PCDH11X: variants seen among roughly 807,000 people sequenced by gnomAD.
PCDH11X encodes protocadherin-11 X-linked.
A neutral mutation model predicts 53.3 loss-of-function variants in PCDH11X; 18 were observed. The ratio of observed to expected loss-of-function variants is 0.34; its 90% CI spans 0.23 to 0.50. PCDH11X has a LOEUF of 0.50. Ranked by LOEUF, PCDH11X falls within the 20% of genes least tolerant of loss-of-function variation. PCDH11X has a pLI of 0.98. For synonymous variants in PCDH11X, 279 were observed against 393.3 expected (o/e 0.71, Z 3.44); for missense variants, 570 against 1,032.4 (o/e 0.55, Z 6.14).
chrX:92,227,997 AACAG>A (rs1184142987), intron 7 of PCDH11X, among the ~76,000 whole-genome samples: 2 of 111,479 alleles, frequency 1.8e-5, no homozygotes, highest in Non-Finnish European at 3.8e-5. Context: ...ATTCATGGAA[AACAG>A]ACAGCAAAAA....
chrX:92,095,411 T>C (rs2064118627), intron 6 of PCDH11X, among the ~76,000 whole-genome samples: 1 of 111,308 alleles, frequency 9.0e-6, no homozygotes, highest in South Asian at 3.7e-4. Context: ...TACCCCTGAA[T>C]AAGATATATC....
chrX:91,994,456 C>T (rs1273580056), intron 6 of PCDH11X, among the ~76,000 whole-genome samples: 1 of 106,868 alleles, frequency 9.4e-6, no homozygotes, highest in African/African-American at 3.5e-5. Context: ...CCGTGTTCAT[C>T]AATGTTGTCA....
At chrX:92,123,252 A>G (rs953564244) in intron 6 of PCDH11X, among the ~76,000 whole-genome samples, 1 of 111,345 alleles carries the variant, frequency 9.0e-6, no homozygotes, top group Non-Finnish European at 1.9e-5. Flanking sequence ...CTAACTCACC[A>G]CAGCATGTTC....
At chrX:92,497,979 T>C (rs1445680088) in intron 10 of PCDH11X, among the ~76,000 whole-genome samples, 2 of 112,059 alleles carry the variant, frequency 1.8e-5, no homozygotes, top group Non-Finnish European at 3.8e-5. Flanking sequence ...AAATGCCTGC[T>C]TAATTTGTTG....
chrX:92,245,221 T>C (rs1015936105), intron 7 of PCDH11X, among the ~76,000 whole-genome samples: 1 of 112,572 alleles, frequency 8.9e-6, no homozygotes, highest in African/African-American at 3.2e-5. Context: ...TCAGACCCTA[T>C]CTTATGCAGT....
intron 7 of PCDH11X, among the ~76,000 whole-genome samples, chrX:92,231,859 G>C (rs1351496712): frequency 8.9e-6 from 1 of 111,883 alleles, no homozygotes; most frequent in Non-Finnish European, 1.9e-5. Flanking sequence ...AAATATCTCA[G>C]TCCGTAGTAG....
At chrX:91,929,297 A>G (rs112016491) in intron 6 of PCDH11X, among the ~76,000 whole-genome samples, 1,831 of 110,720 alleles carry the variant, frequency 0.017, 36 homozygotes, top group African/African-American at 0.056. Flanking sequence ...CCTGACAGTC[A>G]CATATACAGA....
chrX:92,344,822 T>G (rs752183501), intron 8 of PCDH11X, among the ~76,000 whole-genome samples: 1 of 109,104 alleles, frequency 9.2e-6, no homozygotes, highest in African/African-American at 3.3e-5. Context: ...TAGCACCAAG[T>G]AATAATTAAT....
intron 6 of PCDH11X, among the ~76,000 whole-genome samples, chrX:92,110,210 G>C: frequency 9.0e-6 from 1 of 111,443 alleles, no homozygotes; most frequent in African/African-American, 3.3e-5. Flanking sequence ...AATGAGATTT[G>C]TATTGTATAG....
At chrX:92,123,109 T>C (rs895909102) in intron 6 of PCDH11X, among the ~76,000 whole-genome samples, 1 of 111,282 alleles carries the variant, frequency 9.0e-6, no homozygotes, top group African/African-American at 3.3e-5. Flanking sequence ...AGTTTATTCC[T>C]CACCTGAAAT....
At chrX:92,079,539 T>A (rs1445527731) in intron 6 of PCDH11X, among the ~76,000 whole-genome samples, 2 of 111,041 alleles carry the variant, frequency 1.8e-5, no homozygotes, top group African/African-American at 6.6e-5. Context: ...CTCAGGCAAG[T>A]CACTTAAAAC....
chrX:91,802,289 G>A (rs1437920360), intron 1 of PCDH11X, among the ~76,000 whole-genome samples: 6 of 112,241 alleles, frequency 5.3e-5, no homozygotes, highest in Non-Finnish European at 1.1e-4. Context: ...TCACAGTTAC[G>A]GTTACCTATG....
chrX:91,893,539 G>A (rs1033465794), intron 6 of PCDH11X, among the ~76,000 whole-genome samples: 2 of 109,492 alleles, frequency 1.8e-5, no homozygotes, highest in African/African-American at 6.6e-5. Flanking sequence ...GTCTTCAATA[G>A]AGGGACATTT....
chrX:91,868,984 A>G (rs1486663969), intron 5 of PCDH11X, among the ~76,000 whole-genome samples: 3 of 111,841 alleles, frequency 2.7e-5, no homozygotes, highest in Non-Finnish European at 5.7e-5. Context: ...GAAGAATAGT[A>G]ACGGTGAATT....
intron 6 of PCDH11X, among the ~76,000 whole-genome samples, chrX:91,944,239 C>CA (rs1327554827): frequency 1.1e-5 from 1 of 92,235 alleles, no homozygotes; most frequent in Non-Finnish European, 2.1e-5. Context: ...GAAGAGTCCC[C>CA]AAAAAACAAT....
intron 9 of PCDH11X, among the ~76,000 whole-genome samples, chrX:92,445,594 T>C (rs1280395187): frequency 9.1e-6 from 1 of 110,032 alleles, no homozygotes; most frequent in East Asian, 2.9e-4. Context: ...GAAAACTTAA[T>C]GCATAAGAAA....
intron 10 of PCDH11X, among the ~76,000 whole-genome samples, chrX:92,484,395 C>T (rs2073597833): frequency 9.7e-6 from 1 of 103,578 alleles, no homozygotes; most frequent in Admixed American, 1.1e-4. Flanking sequence ...AGGGGTTGTA[C>T]TAATTTAGAT....
chrX:92,565,446 T>C (rs1215549654), intron 10 of PCDH11X, among the ~76,000 whole-genome samples: 1 of 102,486 alleles, frequency 9.8e-6, no homozygotes, highest in Non-Finnish European at 2.0e-5. Flanking sequence ...TGAAGTACTA[T>C]TCAGCCATAT....
Position 91,877,808 on chromosome X carries a change from C to G in PCDH11X, c.1568C>G (p.Thr523Ser), listed in dbSNP as rs1467262181. Reference protein sequence around the residue: ...FSLDCRTGMLTVVKKLDREKE... With the variant: ...FSLDCRTGMLSVVKKLDREKE... ...CTGGATTGTCGTACAGGCATGCTGA[C>G]TGTAGTGAAGAAACTAGATAGAGAA... The change falls in exon 6 of 11, where the codon ACT (threonine) becomes AGT (serine). Residue 523 changes from threonine to serine, a missense_variant. By Grantham distance (58) the Thr-to-Ser change is moderately conservative (BLOSUM62 1). Around this residue, in one of 6 missense-constraint regions of PCDH11X, gnomAD observed 226 missense variants for 457.5 expected, o/e 0.49. Coordinates refer to ENST00000682573, the MANE Select transcript of PCDH11X (RefSeq NM_032968.5). 2 of 1,211,596 alleles carry G rather than the reference C, an allele frequency of 1.7e-6. No individual in the cohort carries two copies. Among genetic ancestry groups the G allele is most frequent in the Non-Finnish European group, 2.2e-6 (2 of 895,455 alleles).
Sources: gnomAD v4.1 joint callset for allele counts (sites outside exome capture counted in the v4.1 genomes callset) on GRCh38, gnomAD v4.1.1 for gene constraint, gnomAD v4.1.1 regional missense constraint, MANE v1.5 for transcripts, NCBI Gene and HGNC (gene_info 2026-07-23, HGNC 2026-07-21) for gene names.